The following NUBPL variants were observed in gnomAD, a reference collection of about 807,000 sequenced individuals.
The protein encoded by NUBPL is NUBP iron-sulfur cluster assembly factor, mitochondrial, also known as iron-sulfur cluster transfer protein NUBPL.
A neutral mutation model predicts 45.7 loss-of-function variants in NUBPL; 31 were observed. The observed-to-expected ratio is 0.68, with a 90% confidence interval of 0.51 to 0.92. The LOEUF (loss-of-function observed/expected upper bound fraction) is 0.92, where lower values mean the gene tolerates loss of function less well. Ranked by LOEUF, NUBPL falls within the 40% of genes least tolerant of loss-of-function variation. The probability of loss-of-function intolerance (pLI) is 0.00; values close to 1 mark genes in which losing one functional copy is unlikely to be tolerated. For missense variants in NUBPL, 401 were observed against 398.7 expected (o/e 1.01, Z -0.05); for synonymous variants, 144 against 140.9 (o/e 1.02, Z -0.15).
intron 6 of NUBPL, among the ~76,000 whole-genome samples, chr14:31,731,122 T>C (rs2038039899): frequency 6.6e-6 from 1 of 152,164 alleles, no homozygotes; most frequent in Admixed American, 6.5e-5. Context: ...CCAGCAGATA[T>C]GAAAGCAGTA....
At chr14:31,825,011 G>T (rs2040074740) in intron 7 of NUBPL, among the ~76,000 whole-genome samples, 1 of 152,070 alleles carries the variant, frequency 6.6e-6, no homozygotes, top group Non-Finnish European at 1.5e-5. Context: ...GAAAAATTGT[G>T]CTGCACTTTC....
intron 8 of NUBPL, among the ~76,000 whole-genome samples, chr14:31,838,108 C>T (rs1451690155): frequency 6.6e-6 from 1 of 152,060 alleles, no homozygotes; most frequent in Non-Finnish European, 1.5e-5. Context: ...GTCTACTACA[C>T]ATTCATCATA....
intron 3 of NUBPL, among the ~76,000 whole-genome samples, chr14:31,566,432 A>G (rs1486336157): frequency 6.6e-6 from 1 of 152,172 alleles, no homozygotes; most frequent in Non-Finnish European, 1.5e-5. Flanking sequence ...GAAGATTCAA[A>G]TATCAAGACA....
rs754769393 is a variant in NUBPL at position 31,561,427 on chromosome 14, A to G, written c.-13A>G. 1.3e-4 allele frequency: 179 copies of G among 1,385,900 alleles called. 2 individuals carry two copies. The Admixed American group carries it at 2.6e-3, about 20-fold the overall frequency. The allele number at this position is 1,385,900 out of a possible 1,614,324, so 85.9% of individuals were successfully genotyped here. A position where few individuals can be genotyped will look rare whatever the true frequency, so the allele number is the denominator to read the frequency against. On this transcript the variant is annotated 5_prime_UTR_variant, in exon 1 of 11. Transcript: ENST00000281081. The stretch of plus-strand genomic sequence containing the variant: ...ACAGTTTCCCAGCAGGGCTCACAGC[A>G]GCGTTCCGCGTCATGGGGATTTGGC...
intron 4 of NUBPL, among the ~76,000 whole-genome samples, chr14:31,640,171 C>G (rs1442385489): frequency 6.6e-6 from 1 of 152,228 alleles, no homozygotes; most frequent in Non-Finnish European, 1.5e-5. Flanking sequence ...CACCTGTCTT[C>G]TGCATCGCTC....
chr14:31,667,234 G>A lies in NUBPL; in HGVS notation c.383-6121G>A, dbSNP rs576139357. ...TTCACATAGTCCCATATTTCTTGGA[G>A]GCTTTGTCCTTTCCTTATCATTCTT... On this transcript the variant is annotated intron_variant, in intron 4 of 10. Transcript: ENST00000281081. Among the ~76,000 whole-genome samples the A allele has an allele frequency of 5.9e-5, 9 of 152,118 alleles. No homozygotes were observed. The South Asian group carries it at 1.0e-3, about 18-fold the overall frequency.
At chr14:31,779,641 T>A (rs1363296355) in intron 6 of NUBPL, among the ~76,000 whole-genome samples, 2 of 152,190 alleles carry the variant, frequency 1.3e-5, no homozygotes, top group Non-Finnish European at 2.9e-5. Flanking sequence ...AAAAGAGGGC[T>A]GAGGGACTCC....
At chr14:31,834,401 G>T (rs187344293) in intron 8 of NUBPL, among the ~76,000 whole-genome samples, 2 of 151,904 alleles carry the variant, frequency 1.3e-5, no homozygotes, top group Admixed American at 6.6e-5. Context: ...GGATGGTCTC[G>T]ATCTCCTGAC....
At chr14:31,688,850 G>A (rs1010349912) in intron 6 of NUBPL, among the ~76,000 whole-genome samples, 1 of 151,810 alleles carries the variant, frequency 6.6e-6, no homozygotes, top group Admixed American at 6.6e-5. Context: ...AGTGTCTGTT[G>A]TTCCTCTCTT....
intron 6 of NUBPL, among the ~76,000 whole-genome samples, chr14:31,739,684 G>C (rs1375030712): frequency 6.6e-6 from 1 of 152,054 alleles, no homozygotes; most frequent in Non-Finnish European, 1.5e-5. Flanking sequence ...TGAATCTGTA[G>C]TTTACATTAG....
chr14:31,798,403 C>T (rs1331226795), intron 7 of NUBPL, among the ~76,000 whole-genome samples: 1 of 145,238 alleles, frequency 6.9e-6, no homozygotes, highest in African/African-American at 2.5e-5. Context: ...TAGTAGTGTG[C>T]ATGTGGGCAT....
chr14:31,756,033 A>G (rs566960567), intron 6 of NUBPL, among the ~76,000 whole-genome samples: 137 of 151,958 alleles, frequency 9.0e-4, no homozygotes, highest in Non-Finnish European at 1.3e-3. Context: ...TATTTCTGAG[A>G]GCTCTGTTCT....
At position 31,841,849 on chromosome 14, in the gene NUBPL, A is replaced by T. The variant is rs184783262; in HGVS notation, c.694-4622A>T. Among the ~76,000 whole-genome samples, 86 of 147,568 alleles carry T rather than the reference A, an allele frequency of 5.8e-4. 2 individuals carry two copies. In the East Asian group the frequency reaches 9.4e-3, roughly 16 times the overall value. On this transcript the variant is annotated intron_variant, in intron 8 of 10. Coordinates refer to ENST00000281081, the MANE Select transcript of NUBPL (RefSeq NM_025152.3). ...TTCATTATTTTATATATGGATATCC[A>T]GTTAACATGCAGTACTATGTTGTCT...
At chr14:31,686,535 A>T (rs1165578151) in intron 6 of NUBPL, among the ~76,000 whole-genome samples, 3 of 152,244 alleles carry the variant, frequency 2.0e-5, no homozygotes, top group African/African-American at 7.2e-5. Context: ...CTAGCAAAGC[A>T]ATAAAAATGT....
chr14:31,745,503 C>A (rs577211774), intron 6 of NUBPL, among the ~76,000 whole-genome samples: 48 of 152,144 alleles, frequency 3.2e-4, no homozygotes, highest in African/African-American at 7.7e-4. Flanking sequence ...ACCGTGCTAG[C>A]CAGGATGGTC....
intron 6 of NUBPL, among the ~76,000 whole-genome samples, chr14:31,694,663 G>C (rs1325470730): frequency 1.3e-5 from 2 of 152,140 alleles, no homozygotes; most frequent in Admixed American, 6.5e-5. Context: ...TTACAGGTGT[G>C]CGCCATGACG....
intron 4 of NUBPL, among the ~76,000 whole-genome samples, chr14:31,660,542 G>T (rs959099095): frequency 2.6e-5 from 4 of 151,746 alleles, no homozygotes; most frequent in Non-Finnish European, 5.9e-5. Flanking sequence ...ACGAATACAG[G>T]TTTATTTTTT....
In NUBPL at chr14:31,561,554, G is replaced by C; in HGVS notation, c.108+7G>C. ...GATGGTTTGTGGGCGCCAGGTCCGT[G>C]GTGCTGCAGGGCAGGGGGAAGCGGG... On this transcript the variant is annotated splice_region_variant and intron_variant, in intron 1 of 10. Transcript: ENST00000281081. 7.3e-7 allele frequency: 1 copy of C among 1,372,138 alleles called. No homozygotes were observed. Among genetic ancestry groups the C allele is most frequent in the Admixed American group, 3.0e-5 (1 of 33,816 alleles). 85.0% of individuals were successfully genotyped at this position (1,372,138 alleles called of 1,614,324 possible).
intron 6 of NUBPL, among the ~76,000 whole-genome samples, chr14:31,702,590 G>A (rs1188174714): frequency 6.6e-6 from 1 of 152,194 alleles, no homozygotes; most frequent in Non-Finnish European, 1.5e-5. Context: ...GCTAAATTTG[G>A]ATATTAACCT....
Sources: gnomAD v4.1 joint callset for allele counts (sites outside exome capture counted in the v4.1 genomes callset) on GRCh38, gnomAD v4.1.1 for gene constraint, MANE v1.5 for transcripts, NCBI Gene and HGNC (gene_info 2026-07-23, HGNC 2026-07-21) for gene names.